KY: variants seen among roughly 807,000 people sequenced by gnomAD.
KY encodes kyphoscoliosis peptidase.
A neutral mutation model predicts 76.1 loss-of-function variants in KY; 43 were observed. The observed-to-expected ratio is 0.57, with a 90% CI of 0.44 to 0.73. The LOEUF is 0.73. Among genes scored for constraint, KY ranks in the 30% least tolerant of loss-of-function variants. KY has a pLI of 0.00. For missense variants in KY, 722 were observed against 828.9 expected (o/e 0.87, Z 1.58); for synonymous variants, 277 against 326.2 (o/e 0.85, Z 1.63).
chr3:134,635,620 G>T (rs1454065446), intron 3 of KY, among the ~76,000 whole-genome samples: 1 of 151,994 alleles, frequency 6.6e-6, no homozygotes, highest in African/African-American at 2.4e-5. Flanking sequence ...TTCCGATGGT[G>T]GTGTATTCTG....
In KY at chr3:134,650,946, C is replaced by G; in HGVS notation, c.15G>C (p.Lys5Asn). MELK[K>N]DINAVSIDML... ...TGTCGATAGATACAGCGTTGATGTCCTTCTTCAGCTCCATGATGCCGCCTC... is the reference window on the plus strand; with the variant it reads ...TGTCGATAGATACAGCGTTGATGTCGTTCTTCAGCTCCATGATGCCGCCTC... The change falls in exon 1 of 11, where the codon AAG becomes AAC. Residue 5 changes from lysine (K) to asparagine (N), a missense_variant. Around this residue, in one of 2 missense-constraint regions of KY, gnomAD observed 170 missense variants for 148.1 expected, o/e 1.15. Transcript: ENST00000423778. 6.2e-7 allele frequency: 1 copy of G among 1,613,310 alleles called. No individual in the cohort carries two copies. Among genetic ancestry groups the G allele is most frequent in the Non-Finnish European group, 8.5e-7 (1 of 1,179,500 alleles).
Position 134,604,175 on chromosome 3 carries a change from T to C in KY, c.1390A>G (p.Met464Val), listed in dbSNP as rs1959092490. 1 of 1,610,286 alleles carries C rather than the reference T, an allele frequency of 6.2e-7. No individual in the cohort carries two copies. The highest frequency in any genetic ancestry group is 8.5e-7 in the Non-Finnish European group (1 of 1,178,306). ...ATAGGGTCAGGGTGGGAGGGCTTCA[T>C]GATGCCCATCTGCTCCGAGAACCAG... Reference protein sequence around the residue: ...PSWFSEQMGIMKPSHPDPIIH... With the variant: ...PSWFSEQMGIVKPSHPDPIIH... Residue 464 changes from methionine (M) to valine (V), a missense_variant, in exon 11 of 11, where the codon ATG (methionine) becomes GTG (valine). Coordinates refer to ENST00000423778, the MANE Select transcript of KY (RefSeq NM_178554.6).
chr3:134,635,845 C>G (rs1560133722), intron 3 of KY, among the ~76,000 whole-genome samples: 1 of 152,124 alleles, frequency 6.6e-6, no homozygotes, highest in Non-Finnish European at 1.5e-5. Flanking sequence ...AAGTGAAACT[C>G]CTTTAAGACT....
At chr3:134,645,756 AT>A (rs1390239399) in intron 2 of KY, among the ~76,000 whole-genome samples, 4 of 152,154 alleles carry the variant, frequency 2.6e-5, no homozygotes, top group Non-Finnish European at 4.4e-5. Context: ...TGCAAGAACT[AT>A]TTTAGTCATC....
chr3:134,616,036 C>T lies in KY; in HGVS notation c.710+3112G>A, dbSNP rs1052091530. On this transcript the variant is annotated intron_variant, in intron 8 of 10. Transcript: ENST00000423778. ...GCTGGTGATGCTAAAGCCATGCTAACGGGAAGAGAATTTACTGGAGGCCGA... is the reference window on the plus strand; with the variant it reads ...GCTGGTGATGCTAAAGCCATGCTAATGGGAAGAGAATTTACTGGAGGCCGA... 7.9e-5 allele frequency among the ~76,000 whole-genome samples: 12 copies of T among 152,172 alleles called. 1 individual carries two copies. Among genetic ancestry groups the T allele is most frequent in the South Asian group, 4.1e-4 (2 of 4,832 alleles).
In KY at chr3:134,643,344, G is replaced by A. The variant is rs1340806795; in HGVS notation, c.234C>T (p.Pro78=). The A allele has an allele frequency of 1.9e-6, 3 of 1,613,836 alleles. No homozygotes were observed. Among genetic ancestry groups the A allele is most frequent in the Admixed American group, 3.3e-5 (2 of 59,994 alleles). ...NLVEKQHPQQ[P]QVITSYNSQG... ...GGCTGTTGTAGGAAGTGATGACCTG[G>A]GGCTGCTGAGGGTGCTGCTTCTCCA... The change falls in exon 3 of 11, where the codon CCC becomes CCT. Residue 78 remains proline, a synonymous_variant. Coordinates refer to ENST00000423778, the MANE Select transcript of KY (RefSeq NM_178554.6).
At position 134,629,702 on chromosome 3, in the gene KY, A is replaced by C; in HGVS notation, c.263-7T>G. The C allele has an allele frequency of 6.3e-7, 1 of 1,577,056 alleles. No homozygotes were observed. The highest frequency in any genetic ancestry group is 8.6e-7 in the Non-Finnish European group (1 of 1,158,792). On this transcript the variant is annotated splice_polypyrimidine_tract_variant and splice_region_variant and intron_variant, in intron 3 of 10. Transcript: ENST00000423778. ...TCCACAGTCAGTTGTGTCCCTACAAAGGAAAAGGAGATGACATTCTCAACC... is the reference window on the plus strand; with the variant it reads ...TCCACAGTCAGTTGTGTCCCTACAACGGAAAAGGAGATGACATTCTCAACC...
intron 5 of KY, 72 bp from the exon 6 acceptor site, chr3:134,625,207 T>G: frequency 8.3e-7 from 1 of 1,203,172 alleles, no homozygotes; most frequent in South Asian, 1.3e-5. Context: ...GGCCTTGCTG[T>G]CTCTTTGAGG....
At position 134,603,761 on chromosome 3, in the gene KY, G is replaced by A. The variant is rs763243689; in HGVS notation, c.1804C>T (p.His602Tyr). ...TTCACCAGGACTTTGGCAATACCAT[G>A]CAGCTTCAATTTGAATGGGACATTC... ...NRNVPFKLKL[H>Y]GIAKVLVKGQ... Residue 602 changes from histidine to tyrosine, a missense_variant, in exon 11 of 11, where the codon CAT (histidine) becomes TAT (tyrosine). Transcript: ENST00000423778. The A allele has an allele frequency of 6.2e-7, 1 of 1,612,510 alleles. No homozygotes were observed. Among genetic ancestry groups the A allele is most frequent in the Admixed American group, 1.7e-5 (1 of 59,938 alleles).
At chr3:134,628,834 A>C (rs1210538957) in intron 4 of KY, among the ~76,000 whole-genome samples, 1 of 152,174 alleles carries the variant, frequency 6.6e-6, no homozygotes, top group Non-Finnish European at 1.5e-5. Context: ...ACATGAACCC[A>C]GTCAGTCGAC....
At chr3:134,612,247 C>T (rs1960613138) in intron 8 of KY, among the ~76,000 whole-genome samples, 1 of 152,156 alleles carries the variant, frequency 6.6e-6, no homozygotes, top group South Asian at 2.1e-4. Flanking sequence ...CTTCTGGGAG[C>T]ACTTGAGGGC....
intron 2 of KY, 90 bp from the exon 3 acceptor site, chr3:134,643,468 G>C: frequency 2.9e-6 from 3 of 1,033,132 alleles, no homozygotes; most frequent in Non-Finnish European, 4.4e-6. Context: ...CGGGAAAGGT[G>C]GGCTGGCGGG....
rs1451455855 is a variant in KY at position 134,600,379 on chromosome 3, T to G, written c.*3200A>C. 6.6e-6 allele frequency among the ~76,000 whole-genome samples: 1 copy of G among 152,260 alleles called. No individual in the cohort carries two copies. The highest frequency in any genetic ancestry group is 1.5e-5 in the Non-Finnish European group (1 of 68,042). On this transcript the variant is annotated 3_prime_UTR_variant, in exon 11 of 11. Transcript: ENST00000423778. ...TAACAACAGGAAATAGTTCTTTATGTCTAGCCGAAATCCTTCATGCTTCAG... is the reference window on the plus strand; with the variant it reads ...TAACAACAGGAAATAGTTCTTTATGGCTAGCCGAAATCCTTCATGCTTCAG...
intron 6 of KY, among the ~76,000 whole-genome samples, chr3:134,622,564 T>C (rs1217693666): frequency 6.6e-6 from 1 of 151,978 alleles, no homozygotes; most frequent in Non-Finnish European, 1.5e-5. Flanking sequence ...GGAGGAGAAA[T>C]GGGAATTTCA....
In KY at chr3:134,619,203, G is replaced by T. The variant is rs1327049165; in HGVS notation, c.655C>A (p.Arg219=). 10 of 1,613,988 alleles carry T rather than the reference G, an allele frequency of 6.2e-6. No homozygotes were observed. The highest frequency in any genetic ancestry group is 8.5e-6 in the Non-Finnish European group (10 of 1,179,892). The stretch of plus-strand genomic sequence containing the variant: ...CCATCACAGTTGGTCTTCTGGGTCC[G>T]CAGGATGTCAGTGGGTTTGAAGGCT... ...RQAFKPTDIL[R]TQKTNCDGYA... The change falls in exon 8 of 11, where the codon CGG becomes AGG. Residue 219 remains arginine (R), a synonymous_variant. Transcript: ENST00000423778.
Position 134,603,524 on chromosome 3 carries a change from T to C in KY, c.*55A>G. ...GGCTCCCTGCACTTCCTTCGAGCCC[T>C]CCCTGGGGAGGTCTGGCCTTGGCCC... On this transcript the variant is annotated 3_prime_UTR_variant, in exon 11 of 11. Transcript: ENST00000423778. 6.7e-7 allele frequency: 1 copy of C among 1,498,934 alleles called. No homozygotes were observed. Among genetic ancestry groups the C allele is most frequent in the East Asian group, 2.3e-5 (1 of 43,784 alleles). 92.9% of individuals were successfully genotyped at this position (1,498,934 alleles called of 1,614,324 possible). A position where few individuals can be genotyped will look rare whatever the true frequency, so the allele number is the denominator to read the frequency against.
chr3:134,634,932 C>T (rs1414887708), intron 3 of KY, among the ~76,000 whole-genome samples: 1 of 152,174 alleles, frequency 6.6e-6, no homozygotes, highest in Non-Finnish European at 1.5e-5. Context: ...GAAATTGGAT[C>T]TCATATATTG....
rs558766054 is a variant in KY at position 134,646,202 on chromosome 3, A to G, written c.199+1233T>C. On this transcript the variant is annotated intron_variant, in intron 2 of 10. Transcript: ENST00000423778. ...CAATAACCCATAGCAGAGTTTTGTTAGCTTTGGCGTCTACTTCAGTAGAGC... is the reference window on the plus strand; with the variant it reads ...CAATAACCCATAGCAGAGTTTTGTTGGCTTTGGCGTCTACTTCAGTAGAGC... Among the ~76,000 whole-genome samples, 5 of 152,320 alleles carry G rather than the reference A, an allele frequency of 3.3e-5. No individual in the cohort carries two copies. In the South Asian group the frequency reaches 1.0e-3, roughly 32 times the overall value.
intron 8 of KY, among the ~76,000 whole-genome samples, chr3:134,614,858 T>A (rs562803149): frequency 6.6e-6 from 1 of 152,278 alleles, no homozygotes; most frequent in East Asian, 1.9e-4. Context: ...CCTACACCAA[T>A]GGGCTCTGAC....
Sources: allele counts gnomAD v4.1 joint callset (sites outside exome capture counted in the v4.1 genomes callset), GRCh38; gene constraint gnomAD v4.1.1; regional missense constraint gnomAD v4.1.1; transcripts MANE v1.5; gene names NCBI Gene and HGNC (gene_info 2026-07-23, HGNC 2026-07-21).